Variants in PRIM2 observed in about 807,000 individuals in gnomAD.
The protein encoded by PRIM2 is DNA primase large subunit.
In PRIM2, 39 loss-of-function variants were observed where a neutral mutation model predicts 67.3. The ratio of observed to expected loss-of-function variants is 0.58; its 90% CI spans 0.45 to 0.76. PRIM2 has a LOEUF of 0.76. Ranked by LOEUF, PRIM2 falls within the 30% of genes least tolerant of loss-of-function variation. The pLI is 0.00. For missense variants in PRIM2, 398 were observed against 598.7 expected, an observed-to-expected ratio of 0.66 and a Z score of 3.50; for synonymous variants, 143 against 198.7, an observed-to-expected ratio of 0.72 and a Z score of 2.36.
chr6:57,313,622 G>A (rs549727071), upstream of PRIM2, among the ~76,000 whole-genome samples: 2 of 152,290 alleles, frequency 1.3e-5, no homozygotes, highest in South Asian at 2.1e-4. Context: ...AGCCAACTCC[G>A]AGAGGTAGGC....
intron 10 of PRIM2, among the ~76,000 whole-genome samples, chr6:57,577,598 T>G (rs1226527313): frequency 6.6e-6 from 1 of 152,030 alleles, no homozygotes; most frequent in East Asian, 1.9e-4. Flanking sequence ...CCAGCTAATT[T>G]TTGTGTTTTT....
At chr6:57,571,700 T>C (rs1297452774) in intron 10 of PRIM2, among the ~76,000 whole-genome samples, 2 of 152,246 alleles carry the variant, frequency 1.3e-5, no homozygotes, top group Admixed American at 6.5e-5. Context: ...CAACAGTGAA[T>C]GCATTCCCTT....
In PRIM2 at chr6:57,379,887, A is replaced by C; in HGVS notation, c.460-14A>C. The C allele has an allele frequency of 6.5e-7, 1 of 1,535,154 alleles. No individual in the cohort carries two copies. Among genetic ancestry groups the C allele is most frequent in the Non-Finnish European group, 8.8e-7 (1 of 1,142,090 alleles). On this transcript the variant is annotated splice_polypyrimidine_tract_variant and intron_variant, in intron 5 of 13. Coordinates refer to ENST00000615550, the MANE Select transcript of PRIM2 (RefSeq NM_000947.5). ...CTTCAAATTTTTGTAACAGCTTAAAATATGTTTTTTTAGATAAGTGATGAA... is the reference window on the plus strand; with the variant it reads ...CTTCAAATTTTTGTAACAGCTTAAACTATGTTTTTTTAGATAAGTGATGAA...
chr6:57,382,991 G>A (rs1161537537), intron 7 of PRIM2: 3 of 151,800 alleles, frequency 2.0e-5, no homozygotes, highest in African/African-American at 7.3e-5. Context: ...TCAGCACTTG[G>A]GAAGACTAAA....
the PRIM2 span, among the ~76,000 whole-genome samples, chr6:57,302,108 G>A: frequency 6.6e-6 from 1 of 152,032 alleles, no homozygotes; most frequent in South Asian, 2.1e-4. Context: ...CCAAATTTGA[G>A]CCCCCAAATA....
the PRIM2 span, among the ~76,000 whole-genome samples, chr6:57,309,793 G>C: frequency 4.5e-3 from 692 of 152,320 alleles, 6 homozygotes; most frequent in Middle Eastern, 6.8e-3. Context: ...CAGTGTAAAA[G>C]TGTTCCTATT....
At chr6:57,530,918 G>A (rs1774875929) in intron 8 of PRIM2, among the ~76,000 whole-genome samples, 1 of 152,078 alleles carries the variant, frequency 6.6e-6, no homozygotes, top group Non-Finnish European at 1.5e-5. Context: ...GCTTAGGCTA[G>A]TCTTGAACTT....
the PRIM2 span, among the ~76,000 whole-genome samples, chr6:57,255,309 T>C: frequency 2.0e-5 from 3 of 151,952 alleles, no homozygotes; most frequent in Non-Finnish European, 2.9e-5. Flanking sequence ...CCATCCTGGC[T>C]AACACAGTGA....
intron 10 of PRIM2, among the ~76,000 whole-genome samples, chr6:57,542,369 G>A (rs1177784978): frequency 0.023 from 3,543 of 152,182 alleles, 132 homozygotes; most frequent in African/African-American, 0.08. Flanking sequence ...GAAGAAAAAG[G>A]AAAGTAGAGA....
intron 8 of PRIM2, among the ~76,000 whole-genome samples, chr6:57,508,917 T>A (rs1349376625): frequency 6.6e-6 from 1 of 152,228 alleles, no homozygotes; most frequent in Non-Finnish European, 1.5e-5. Flanking sequence ...ATTGTATTAG[T>A]CAACATACCT....
chr6:57,266,278 G>A, the PRIM2 span, among the ~76,000 whole-genome samples: 1 of 152,118 alleles, frequency 6.6e-6, no homozygotes, highest in Non-Finnish European at 1.5e-5. Flanking sequence ...GTGAAAACTT[G>A]GCCATTTGCT....
chr6:57,427,339 T>C (rs1231912217), intron 7 of PRIM2, among the ~76,000 whole-genome samples: 1 of 152,224 alleles, frequency 6.6e-6, no homozygotes, highest in Non-Finnish European at 1.5e-5. Context: ...CTTTTTTCTT[T>C]GAGACTTGTC....
the PRIM2 span, among the ~76,000 whole-genome samples, chr6:57,223,261 T>A: frequency 6.6e-6 from 1 of 152,136 alleles, no homozygotes; most frequent in South Asian, 2.1e-4. Context: ...GGCTCAAAGT[T>A]AGCATAATGG....
rs1284296863 is a variant in PRIM2 at position 57,485,295 on chromosome 6, C to G, written c.694-22092C>G. On this transcript the variant is annotated intron_variant, in intron 7 of 13. Coordinates refer to ENST00000615550, the MANE Select transcript of PRIM2 (RefSeq NM_000947.5). Reference sequence around the variant, plus strand: ...GTACCTAGCTTTATTCTATGAGGCCCTGCCCTTGCCCTGTTTACCTTAACT... The same window carrying G: ...GTACCTAGCTTTATTCTATGAGGCCGTGCCCTTGCCCTGTTTACCTTAACT... Among the ~76,000 whole-genome samples, 18 of 152,112 alleles carry G rather than the reference C, an allele frequency of 1.2e-4. 1 individual carries two copies. The highest frequency in any genetic ancestry group is 4.3e-4 in the African/African-American group (18 of 41,428).
chr6:57,409,269 G>A (rs1485766890), intron 7 of PRIM2, among the ~76,000 whole-genome samples: 19 of 151,688 alleles, frequency 1.3e-4, no homozygotes, highest in Admixed American at 3.3e-4. Context: ...TCTGCCTCTC[G>A]GGTTCACGCC....
intron 7 of PRIM2, among the ~76,000 whole-genome samples, chr6:57,446,804 A>G (rs1772383293): frequency 1.3e-5 from 2 of 152,118 alleles, no homozygotes; most frequent in African/African-American, 2.4e-5. Flanking sequence ...TCTCCCATGC[A>G]TTACCTTGAT....
chr6:57,457,036 A>C (rs1244045559), intron 7 of PRIM2, among the ~76,000 whole-genome samples: 2 of 151,960 alleles, frequency 1.3e-5, no homozygotes, highest in Admixed American at 1.3e-4. Context: ...GGTCTGTTGG[A>C]GTTTGCTGGA....
chr6:57,480,714 C>T (rs1373472924), intron 7 of PRIM2, among the ~76,000 whole-genome samples: 4 of 152,242 alleles, frequency 2.6e-5, no homozygotes, highest in South Asian at 2.1e-4. Context: ...CTGCAACCTC[C>T]GCCTCCCAGG....
intron 5 of PRIM2, among the ~76,000 whole-genome samples, chr6:57,360,726 A>G (rs1253446327): frequency 4.6e-5 from 7 of 152,200 alleles, no homozygotes; most frequent in Non-Finnish European, 1.0e-4. Context: ...AAAGTGAACA[A>G]GATACAGCAT....
Sources: gnomAD v4.1 joint callset for allele counts (sites outside exome capture counted in the v4.1 genomes callset) on GRCh38, gnomAD v4.1.1 for gene constraint, MANE v1.5 for transcripts, NCBI Gene and HGNC (gene_info 2026-07-23, HGNC 2026-07-21) for gene names.